The following SLC8A1 variants were observed in gnomAD, a reference collection of about 807,000 sequenced individuals.
SLC8A1 encodes the protein sodium/calcium exchanger 1.
A neutral mutation model predicts 68.3 loss-of-function variants in SLC8A1; 18 were observed. The observed-to-expected ratio is 0.26, with a 90% CI of 0.18 to 0.39. The LOEUF (loss-of-function observed/expected upper bound fraction) is 0.39, where lower values mean the gene tolerates loss of function less well. Ranked by LOEUF, SLC8A1 falls within the 10% of genes least tolerant of loss-of-function variation. SLC8A1 has a pLI of 1.00. For synonymous variants in SLC8A1, 475 were observed against 415.5 expected, an observed-to-expected ratio of 1.14 and a Z score of -1.74; for missense variants, 985 against 1,156.7, an observed-to-expected ratio of 0.85 and a Z score of 2.15.
At chr2:40,222,147 G>A (rs888928314) in intron 2 of SLC8A1, among the ~76,000 whole-genome samples, 2 of 152,092 alleles carry the variant, frequency 1.3e-5, no homozygotes, top group African/African-American at 2.4e-5. Context: ...AACAAAAACA[G>A]CATGGTACTG....
rs927974518 is a variant in SLC8A1, at chr2:40,243,313, C to T, written c.1809-65458G>A. Among the ~76,000 whole-genome samples the T allele has an allele frequency of 5.9e-4, 90 of 152,116 alleles. 1 individual carries two copies. Among genetic ancestry groups the T allele is most frequent in the African/African-American group, 1.9e-3 (80 of 41,498 alleles). On this transcript the variant is annotated intron_variant, in intron 2 of 7. Transcript: ENST00000406785. ...GCCTGGGCAACATGATAAAACCCTG[C>T]CTCTACCAAAAATACAAATAAATAA...
intron 2 of SLC8A1, among the ~76,000 whole-genome samples, chr2:40,318,866 T>A (rs766880256): frequency 2.0e-5 from 3 of 152,070 alleles, no homozygotes; most frequent in Non-Finnish European, 2.9e-5. Context: ...AAGTTGTTCT[T>A]TTTTTTCCCT....
intron 2 of SLC8A1, among the ~76,000 whole-genome samples, chr2:40,392,114 G>C (rs1448214464): frequency 6.8e-6 from 1 of 146,880 alleles, no homozygotes; most frequent in Non-Finnish European, 1.5e-5. Context: ...AATGAACAAA[G>C]AGTGAACAAA....
At chr2:40,217,871 A>C (rs2057732311) in intron 2 of SLC8A1, among the ~76,000 whole-genome samples, 1 of 152,226 alleles carries the variant, frequency 6.6e-6, no homozygotes, top group African/African-American at 2.4e-5. Flanking sequence ...AAAGTGAAAA[A>C]TATTGTTAAG....
chr2:40,221,375 C>T (rs932684679), intron 2 of SLC8A1, among the ~76,000 whole-genome samples: 8 of 152,108 alleles, frequency 5.3e-5, no homozygotes, highest in Admixed American at 2.6e-4. Flanking sequence ...ATTGATAGAA[C>T]GTATTTCAAA....
chr2:40,261,744 C>CACT (rs1553459892), intron 2 of SLC8A1, among the ~76,000 whole-genome samples: 1 of 152,204 alleles, frequency 6.6e-6, no homozygotes, highest in African/African-American at 2.4e-5. Context: ...TGCGTAAGTG[C>CACT]CACAGTCGTT....
rs537124088 is a variant in SLC8A1 at position 40,295,105 on chromosome 2, AT to A, written c.1809-117251del. ...AAAAGTTATTTAAGAAACAATTATTATTTTTTTTTTTTGATGCAAGGTCTCA... is the reference window on the plus strand; with the variant it reads ...AAAAGTTATTTAAGAAACAATTATTATTTTTTTTTTTGATGCAAGGTCTCA... On this transcript the variant is annotated intron_variant, in intron 2 of 7. Coordinates refer to ENST00000406785, the Ensembl canonical transcript of SLC8A1. Among the ~76,000 whole-genome samples, 855 of 146,490 alleles carry A rather than the reference AT, an allele frequency of 5.8e-3. 2 individuals are homozygous for A. Among genetic ancestry groups the A allele is most frequent in the African/African-American group, 0.015 (609 of 40,290 alleles).
intron 2 of SLC8A1, among the ~76,000 whole-genome samples, chr2:40,416,005 C>G (rs1693757356): frequency 6.8e-6 from 1 of 147,784 alleles, no homozygotes; most frequent in African/African-American, 2.5e-5. Context: ...GAGCTGAGAT[C>G]ACGCCACTGC....
At chr2:40,410,194 T>C (rs546964740) in intron 2 of SLC8A1, among the ~76,000 whole-genome samples, 1 of 152,188 alleles carries the variant, frequency 6.6e-6, no homozygotes, top group Non-Finnish European at 1.5e-5. Flanking sequence ...TCGATTATTA[T>C]AGTACCCCTC....
rs2034801232 is a variant in SLC8A1 at position 40,113,302 on chromosome 2, C to T, written c.*1951G>A. On this transcript the variant is annotated 3_prime_UTR_variant, in exon 8 of 8. Coordinates refer to ENST00000406785, the Ensembl canonical transcript of SLC8A1. ...ACAGAGGGCTAGGAATGTCTCCAGC[C>T]TGGGATTCCTTATAGACACAGAAGT... 2.6e-5 allele frequency: 4 copies of T among 152,810 alleles called. No individual in the cohort carries two copies. The South Asian group carries it at 8.3e-4, about 32-fold the overall frequency. The allele number at this position is 152,810 out of a possible 1,614,324, so 9.5% of individuals were successfully genotyped here. A position where few individuals can be genotyped will look rare whatever the true frequency, so the allele number is the denominator to read the frequency against.
chr2:40,469,375 A>G (rs1467477922), intron 1 of SLC8A1, among the ~76,000 whole-genome samples: 1 of 152,058 alleles, frequency 6.6e-6, no homozygotes, highest in Non-Finnish European at 1.5e-5. Context: ...TTTCTCTCCC[A>G]TGCCACCATG....
chr2:40,414,637 G>C (rs977244071), intron 2 of SLC8A1, among the ~76,000 whole-genome samples: 2 of 151,974 alleles, frequency 1.3e-5, no homozygotes, highest in Admixed American at 1.3e-4. Flanking sequence ...TTTAAATGAG[G>C]ACTTGTTTTA....
intron 1 of SLC8A1, among the ~76,000 whole-genome samples, chr2:40,500,986 T>A (rs1311221821): frequency 6.6e-6 from 1 of 151,838 alleles, no homozygotes; most frequent in Non-Finnish European, 1.5e-5. Context: ...AGCTGCTGGC[T>A]ATATCTCTGA....
intron 2 of SLC8A1, among the ~76,000 whole-genome samples, chr2:40,300,517 G>C (rs900148462): frequency 6.6e-6 from 1 of 152,126 alleles, no homozygotes; most frequent in African/African-American, 2.4e-5. Flanking sequence ...ATTGTTTCGT[G>C]CCTCAGCGTA....
chr2:40,194,534 A>G (rs2052580637), intron 2 of SLC8A1, among the ~76,000 whole-genome samples: 1 of 147,210 alleles, frequency 6.8e-6, no homozygotes, highest in African/African-American at 2.5e-5. Context: ...GAGAGGGAGA[A>G]GGAAAGAGAA....
At chr2:40,352,549 G>C (rs930502337) in intron 2 of SLC8A1, among the ~76,000 whole-genome samples, 1 of 152,126 alleles carries the variant, frequency 6.6e-6, no homozygotes. Flanking sequence ...ATTTCCTAGA[G>C]ATTAGGAAAA....
At position 40,148,362 on chromosome 2, in the gene SLC8A1, G is replaced by A. The variant is rs555125290; in HGVS notation, c.2162-8686C>T. On this transcript the variant is annotated intron_variant, in intron 6 of 7. Transcript: ENST00000406785. ...TCTCTGGGCAGCAAATGGAAAGGAC[G>A]CTGGCTCTACAGCAATGACAATAAC... 3.9e-5 allele frequency among the ~76,000 whole-genome samples: 6 copies of A among 152,270 alleles called. No homozygotes were observed. In the South Asian group the frequency reaches 6.2e-4, roughly 16 times the overall value.
chr2:40,406,770 C>T (rs1369459278), intron 2 of SLC8A1, among the ~76,000 whole-genome samples: 1 of 152,126 alleles, frequency 6.6e-6, no homozygotes, highest in Non-Finnish European at 1.5e-5. Context: ...TCAGCTCACC[C>T]CATTTGTTTC....
At chr2:40,509,068 T>C (rs1275233258) in intron 1 of SLC8A1, among the ~76,000 whole-genome samples, 3 of 152,212 alleles carry the variant, frequency 2.0e-5, no homozygotes, top group African/African-American at 7.2e-5. Context: ...TGAATTTGTT[T>C]CCCTTGTATT....
Sources: gnomAD v4.1 joint callset for allele counts (sites outside exome capture counted in the v4.1 genomes callset) on GRCh38, gnomAD v4.1.1 for gene constraint, MANE v1.5 for transcripts, NCBI Gene and HGNC (gene_info 2026-07-23, HGNC 2026-07-21) for gene names.